TBC1D4: variants seen among roughly 807,000 people sequenced by gnomAD.
The protein encoded by TBC1D4 is TBC1 domain family member 4.
TBC1D4 carries 121 observed loss-of-function variants against 142.5 expected under a neutral mutation model. That is an observed-to-expected ratio of 0.85 (90% CI 0.73 to 0.99). The LOEUF (loss-of-function observed/expected upper bound fraction) is 0.99. Ranked by LOEUF, TBC1D4 falls within the 50% of genes least tolerant of loss-of-function variation. The pLI is 0.00. For synonymous variants in TBC1D4, 630 were observed against 628.2 expected (o/e 1.00, Z -0.04); for missense variants, 1,475 against 1,606.6 (o/e 0.92, Z 1.40).
At chr13:75,333,252 C>T (rs766571650) in intron 8 of TBC1D4, among the ~76,000 whole-genome samples, 28 of 152,300 alleles carry the variant, frequency 1.8e-4, no homozygotes, top group Non-Finnish European at 3.5e-4. Flanking sequence ...CACCTACCAC[C>T]CAACCAGTCT....
intron 1 of TBC1D4, among the ~76,000 whole-genome samples, chr13:75,411,459 C>T (rs1237827810): frequency 6.6e-6 from 1 of 152,132 alleles, no homozygotes; most frequent in Non-Finnish European, 1.5e-5. Context: ...AAAAATAATA[C>T]TGAAATGGTT....
At chr13:75,326,746 T>C (rs994116811) in intron 9 of TBC1D4, among the ~76,000 whole-genome samples, 6 of 152,116 alleles carry the variant, frequency 3.9e-5, no homozygotes, top group African/African-American at 1.4e-4. Context: ...CCTGACACTT[T>C]GTGATGAAAC....
intron 1 of TBC1D4, among the ~76,000 whole-genome samples, chr13:75,412,517 C>CTGGT (rs749120482): frequency 2.0e-5 from 3 of 152,012 alleles, no homozygotes; most frequent in Middle Eastern, 3.2e-3. Flanking sequence ...TGTTGCAAGG[C>CTGGT]TGGTCTCAAA....
chr13:75,442,972 TA>T (rs1269942665), intron 1 of TBC1D4, among the ~76,000 whole-genome samples: 1 of 152,224 alleles, frequency 6.6e-6, no homozygotes. Flanking sequence ...CCAGAGGTGA[TA>T]AACTGCTACA....
intron 1 of TBC1D4, among the ~76,000 whole-genome samples, chr13:75,384,104 A>T (rs1460843909): frequency 2.2e-4 from 4 of 18,068 alleles, no homozygotes; most frequent in African/African-American, 4.3e-4. Context: ...ATAAAAAAAA[A>T]TAATAATAAT....
chr13:75,286,805 C>T lies in TBC1D4; in HGVS notation c.3884G>A (p.Gly1295Glu). ...NCNPNNKAKI[G>E]NKP ...GTGCCTCTTCAATTATGGCTTATTT[C>T]CTATCTTGGCTTTGTTGTTAGGGTT... Residue 1295 changes from glycine (G) to glutamate (E), a missense_variant, in exon 21 of 21, where the codon GGA (glycine) becomes GAA (glutamate). Physicochemically the swap from Gly to Glu is moderately conservative, Grantham distance 98. Around this residue, in one of 2 missense-constraint regions of TBC1D4, gnomAD observed 248 missense variants for 338.9 expected, o/e 0.73. Coordinates refer to ENST00000377636, the MANE Select transcript of TBC1D4 (RefSeq NM_014832.5). 1 of 1,613,716 alleles carries T rather than the reference C, an allele frequency of 6.2e-7. No individual in the cohort carries two copies. Among genetic ancestry groups the T allele is most frequent in the Middle Eastern group, 1.7e-4 (1 of 6,052 alleles).
chr13:75,322,736 T>C (rs1250596211), intron 11 of TBC1D4, among the ~76,000 whole-genome samples: 1 of 152,210 alleles, frequency 6.6e-6, no homozygotes, highest in East Asian at 1.9e-4. Flanking sequence ...TTGAAAGTGT[T>C]GTATTCTTAT....
intron 5 of TBC1D4, among the ~76,000 whole-genome samples, chr13:75,346,177 T>G (rs1881129886): frequency 6.6e-6 from 1 of 152,214 alleles, no homozygotes; most frequent in Non-Finnish European, 1.5e-5. Context: ...TTTTATATAC[T>G]AAGTTTTGGG....
intron 19 of TBC1D4, among the ~76,000 whole-genome samples, chr13:75,290,427 T>C (rs1324861740): frequency 6.6e-6 from 1 of 152,170 alleles, no homozygotes; most frequent in Admixed American, 6.5e-5. Context: ...CTATAAATTC[T>C]ACTCATTAAT....
chr13:75,294,227 T>A (rs1875642411), intron 18 of TBC1D4, among the ~76,000 whole-genome samples: 1 of 152,190 alleles, frequency 6.6e-6, no homozygotes, highest in Non-Finnish European at 1.5e-5. Context: ...TTATTCCCAA[T>A]GCCAAACACT....
chr13:75,476,008 C>G (rs564660190), intron 1 of TBC1D4, among the ~76,000 whole-genome samples: 1 of 152,014 alleles, frequency 6.6e-6, no homozygotes, highest in Non-Finnish European at 1.5e-5. Flanking sequence ...TTTGGGAGGC[C>G]CAGGCGGGCA....
intron 1 of TBC1D4, among the ~76,000 whole-genome samples, chr13:75,397,258 A>G (rs941569340): frequency 1.3e-5 from 2 of 152,242 alleles, no homozygotes; most frequent in African/African-American, 4.8e-5. Context: ...TCATATTAGC[A>G]TAAAACCTTT....
At chr13:75,289,818 TC>T (rs1173525256) in intron 19 of TBC1D4, among the ~76,000 whole-genome samples, 1 of 152,086 alleles carries the variant, frequency 6.6e-6, no homozygotes. Context: ...GGACAGTTAC[TC>T]CAAACTTCCT....
In TBC1D4 at chr13:75,294,741, T is replaced by C. The variant is rs567171950; in HGVS notation, c.3316+113A>G. The stretch of plus-strand genomic sequence containing the variant: ...ACATTTATTAAATTCCATTAGCAAT[T>C]TGCTATTCTGTATAACACATGATAG... On this transcript the variant is annotated intron_variant, in intron 18 of 20. Transcript: ENST00000377636. 6.2e-6 allele frequency: 7 copies of C among 1,125,250 alleles called. No individual in the cohort carries two copies. In the African/African-American group the frequency reaches 6.2e-5, roughly 10 times the overall value. 69.7% of individuals were successfully genotyped at this position (1,125,250 alleles called of 1,614,324 possible).
intron 1 of TBC1D4, among the ~76,000 whole-genome samples, chr13:75,449,139 A>G (rs1593897805): frequency 1.3e-5 from 2 of 152,224 alleles, no homozygotes; most frequent in African/African-American, 4.8e-5. Context: ...CGTGTGTTGT[A>G]TACAGTAATC....
chr13:75,409,794 T>A (rs1885523844), intron 1 of TBC1D4, among the ~76,000 whole-genome samples: 1 of 152,374 alleles, frequency 6.6e-6, no homozygotes, highest in Non-Finnish European at 1.5e-5. Context: ...TTTCAATTAA[T>A]AAATTTAGCG....
chr13:75,462,102 A>T (rs1057153808), intron 1 of TBC1D4, among the ~76,000 whole-genome samples: 5 of 152,222 alleles, frequency 3.3e-5, no homozygotes, highest in Admixed American at 3.3e-4. Flanking sequence ...CAAAATTCTC[A>T]TGGCTCTCAC....
At chr13:75,470,090 G>GT (rs1433822336) in intron 1 of TBC1D4, among the ~76,000 whole-genome samples, 2 of 152,058 alleles carry the variant, frequency 1.3e-5, no homozygotes, top group Non-Finnish European at 2.9e-5. Flanking sequence ...TTGAGCTTTA[G>GT]TTTTCTCATC....
intron 8 of TBC1D4, among the ~76,000 whole-genome samples, chr13:75,329,000 T>G (rs533246184): frequency 8.5e-5 from 13 of 152,232 alleles, no homozygotes; most frequent in Admixed American, 2.0e-4. Flanking sequence ...GGTATTCAGC[T>G]TATCCTACCG....
Sources: allele counts gnomAD v4.1 joint callset (sites outside exome capture counted in the v4.1 genomes callset), GRCh38; gene constraint gnomAD v4.1.1; regional missense constraint gnomAD v4.1.1; transcripts MANE v1.5; gene names NCBI Gene and HGNC (gene_info 2026-07-23, HGNC 2026-07-21).